Variants in ABCC12 observed in about 807,000 individuals in gnomAD.
ABCC12 encodes ATP-binding cassette sub-family C member 12.
Under a neutral mutation model 151.1 loss-of-function variants are expected in ABCC12, and 142 were observed. The observed-to-expected ratio is 0.94, with a 90% CI of 0.82 to 1.08. ABCC12 has a LOEUF of 1.08. Ranked by LOEUF, ABCC12 falls within the 50% of genes least tolerant of loss-of-function variation. The pLI is 0.00. For missense variants in ABCC12, 1,638 were observed against 1,691.1 expected, an observed-to-expected ratio of 0.97 and a Z score of 0.55; for synonymous variants, 645 against 646.4, an observed-to-expected ratio of 1.00 and a Z score of 0.03.
chr16:48,155,179 G>C (rs148968805), intron 1 of ABCC12, among the ~76,000 whole-genome samples: 3 of 152,240 alleles, frequency 2.0e-5, no homozygotes, highest in African/African-American at 7.2e-5. Context: ...CTGGGGGTGT[G>C]GGAAGGGAAG....
chr16:48,084,467 T>C (rs1017773457), intron 29 of ABCC12, among the ~76,000 whole-genome samples: 1 of 152,248 alleles, frequency 6.6e-6, no homozygotes, highest in African/African-American at 2.4e-5. Context: ...ATCACAAACT[T>C]AGAGACTCAG....
At chr16:48,107,518 A>C in intron 19 of ABCC12, 93 bp from the exon 20 acceptor site, 1 of 1,122,018 alleles carries the variant, frequency 8.9e-7, no homozygotes, top group Non-Finnish European at 1.3e-6. Flanking sequence ...TGGGAAATTC[A>C]AAACCTGCAG....
chr16:48,130,864 A>G lies in ABCC12; in HGVS notation c.1160T>C (p.Met387Thr), dbSNP rs780461664. 6.2e-7 allele frequency: 1 copy of G among 1,613,560 alleles called. No individual in the cohort carries two copies. Among genetic ancestry groups the G allele is most frequent in the South Asian group, 1.1e-5 (1 of 91,066 alleles). ...GGGCAAGATTGCAATGGAAAACTTC[A>G]TTACATTAAACATGGCAATCACACT... ...AFSVIAMFNV[M>T]KFSIAILPFS... The change falls in exon 10 of 31, where the codon ATG (methionine) becomes ACG (threonine). Residue 387 changes from methionine (M) to threonine (T), a missense_variant. By Grantham distance (81) the Met-to-Thr change is moderately conservative (BLOSUM62 -1). Transcript: ENST00000311303.
chr16:48,124,824 T>A (rs1006374522), intron 11 of ABCC12, among the ~76,000 whole-genome samples: 1 of 152,210 alleles, frequency 6.6e-6, no homozygotes, highest in Non-Finnish European at 1.5e-5. Flanking sequence ...CAAGCACTGT[T>A]CCAACCACCA....
chr16:48,086,035 T>C (rs1309330462), intron 28 of ABCC12, among the ~76,000 whole-genome samples: 2 of 151,892 alleles, frequency 1.3e-5, no homozygotes, highest in Non-Finnish European at 2.9e-5. Context: ...AGGGACCAAA[T>C]AGAGATGGGA....
Position 48,144,036 on chromosome 16 carries a change from C to A in ABCC12, c.149G>T (p.Gly50Val), listed in dbSNP as rs1160107916. ...RLAPNPVDDAGLLSFATFSWL... is the reference protein window; with the variant it reads ...RLAPNPVDDAVLLSFATFSWL... The stretch of plus-strand genomic sequence containing the variant: ...GGAAAATGTGGCGAAGGAGAGTAGC[C>A]CGGCATCATCCACCGGGTTGGGTGC... The change falls in exon 4 of 31, where the codon GGG becomes GTG. Residue 50 changes from glycine (G) to valine (V), a missense_variant. Transcript: ENST00000311303. 1 of 1,614,028 alleles carries A rather than the reference C, an allele frequency of 6.2e-7. No homozygotes were observed. Among genetic ancestry groups the A allele is most frequent in the Non-Finnish European group, 8.5e-7 (1 of 1,179,972 alleles).
chr16:48,085,820 G>A, intron 28 of ABCC12, 114 bp from the exon 29 acceptor site: 1 of 825,174 alleles, frequency 1.2e-6, no homozygotes, highest in East Asian at 2.6e-5. Flanking sequence ...ATTTTACTGT[G>A]GCAAAGAAAG....
intron 24 of ABCC12, among the ~76,000 whole-genome samples, chr16:48,094,494 G>A (rs1044268166): frequency 6.6e-6 from 1 of 152,110 alleles, no homozygotes; most frequent in African/African-American, 2.4e-5. Context: ...GTGTGAGAAG[G>A]GGGCCCACAA....
chr16:48,139,387 G>A (rs770008389), intron 6 of ABCC12, 51 bp from the exon 7 acceptor site: 51 of 1,530,162 alleles, frequency 3.3e-5, no homozygotes, highest in Non-Finnish European at 4.3e-5. Flanking sequence ...AGTCAAACAT[G>A]TCTTTAAATG....
chr16:48,135,928 C>A (rs933094545), intron 8 of ABCC12, among the ~76,000 whole-genome samples: 1 of 152,146 alleles, frequency 6.6e-6, no homozygotes, highest in Non-Finnish European at 1.5e-5. Flanking sequence ...CCTTTCATAT[C>A]CACACAGGAC....
chr16:48,106,527 G>A lies in ABCC12; in HGVS notation c.2475+795C>T, dbSNP rs890324933. On this transcript the variant is annotated intron_variant, in intron 20 of 30. Transcript: ENST00000311303. Reference sequence around the variant, plus strand: ...GGGCTCTCCAAGGACAGGGCTCTTCGTGAGTGAGGGGGGATCTGGGAGAAT... The same window carrying A: ...GGGCTCTCCAAGGACAGGGCTCTTCATGAGTGAGGGGGGATCTGGGAGAAT... Among the ~76,000 whole-genome samples the A allele has an allele frequency of 3.3e-5, 5 of 152,230 alleles. No individual in the cohort carries two copies. In the East Asian group the frequency reaches 7.7e-4, roughly 23 times the overall value.
intron 22 of ABCC12, among the ~76,000 whole-genome samples, chr16:48,102,797 A>G (rs1265890146): frequency 1.3e-5 from 2 of 152,132 alleles, no homozygotes; most frequent in African/African-American, 2.4e-5. Context: ...CTCCTGCACC[A>G]CACGTATCTC....
intron 24 of ABCC12, among the ~76,000 whole-genome samples, chr16:48,092,373 C>G (rs1962936310): frequency 6.6e-6 from 1 of 152,172 alleles, no homozygotes; most frequent in South Asian, 2.1e-4. Flanking sequence ...CTCTGGGACA[C>G]TGAATGGAGC....
intron 1 of ABCC12, among the ~76,000 whole-genome samples, chr16:48,154,639 G>A (rs1039242398): frequency 6.6e-6 from 1 of 152,172 alleles, no homozygotes; most frequent in African/African-American, 2.4e-5. Flanking sequence ...TGCCCCAAGA[G>A]AGAACAAAAG....
Position 48,121,794 on chromosome 16 carries a change from T to G in ABCC12, c.1634A>C (p.Tyr545Ser), listed in dbSNP as rs774781146. The G allele has an allele frequency of 6.2e-7, 1 of 1,614,214 alleles. No individual in the cohort carries two copies. Among genetic ancestry groups the G allele is most frequent in the South Asian group, 1.1e-5 (1 of 91,076 alleles). ...GVVAVNGTLA[Y>S]VSQQAWIFHG... ...AAAGATCCATGCCTGCTGTGAAACG[T>G]AGGCCAAAGTTCCATTGACTGCCAC... is the stretch of plus-strand genomic sequence containing the variant. The change falls in exon 13 of 31, where the codon TAC becomes TCC. Residue 545 changes from tyrosine (Y) to serine (S), a missense_variant. Tyr to Ser is a moderately radical substitution (Grantham distance 144). Coordinates refer to ENST00000311303, the MANE Select transcript of ABCC12 (RefSeq NM_001393797.1).
chr16:48,155,786 T>C (rs1383806610), intron 1 of ABCC12, 55 bp downstream of exon 1: 1 of 152,010 alleles, frequency 6.6e-6, no homozygotes, highest in Non-Finnish European at 1.5e-5. Context: ...GACTAAATGG[T>C]GGCCACTAAT....
chr16:48,127,786 G>T (rs1964288623), intron 11 of ABCC12, among the ~76,000 whole-genome samples: 1 of 152,148 alleles, frequency 6.6e-6, no homozygotes, highest in African/African-American at 2.4e-5. Context: ...TAGGACAGGA[G>T]CAGTGGTTCA....
chr16:48,154,644 C>T (rs1236460144), intron 1 of ABCC12, among the ~76,000 whole-genome samples: 2 of 152,206 alleles, frequency 1.3e-5, no homozygotes, highest in African/African-American at 4.8e-5. Flanking sequence ...CAAGAGAGAA[C>T]AAAAGATGTC....
chr16:48,137,477 G>C (rs1249416761), intron 8 of ABCC12, among the ~76,000 whole-genome samples: 1 of 152,114 alleles, frequency 6.6e-6, no homozygotes. Flanking sequence ...TTTCAAAGAG[G>C]GTCCCCTAGT....
Sources: allele counts gnomAD v4.1 joint callset (sites outside exome capture counted in the v4.1 genomes callset), GRCh38; gene constraint gnomAD v4.1.1; transcripts MANE v1.5; gene names NCBI Gene and HGNC (gene_info 2026-07-23, HGNC 2026-07-21).